The following ODAD1 variants were observed in gnomAD, a reference collection of about 807,000 sequenced individuals.
ODAD1 encodes outer dynein arm docking complex subunit 1.
Under a neutral mutation model 67.2 loss-of-function variants are expected in ODAD1, and 49 were observed. That is an observed-to-expected ratio of 0.73 (90% CI 0.58 to 0.92). ODAD1 has a LOEUF of 0.92. Among genes scored for constraint, ODAD1 ranks in the 40% least tolerant of loss-of-function variants. The pLI, the probability that ODAD1 is intolerant of heterozygous loss-of-function variation, is 0.00. For missense variants in ODAD1, 897 were observed against 953.7 expected (o/e 0.94, Z 0.78); for synonymous variants, 345 against 393.7 (o/e 0.88, Z 1.46).
rs1968606574 is a variant in ODAD1 at position 48,306,305 on chromosome 19, G to A, written c.616C>T (p.His206Tyr). The A allele has an allele frequency of 6.4e-7, 1 of 1,551,506 alleles. No homozygotes were observed. Among genetic ancestry groups the A allele is most frequent in the Non-Finnish European group, 8.7e-7 (1 of 1,146,884 alleles). The part of the protein sequence containing the change: ...KLKKEIHHLH[H>Y]LVSTLILSST... The stretch of plus-strand genomic sequence containing the variant: ...GAGAGGATAAGGGTGCTGACCAGGT[G>A]ATGCAGGTGGTGGATCTCCTGTGGG... The change falls in exon 8 of 16, where the codon CAC (histidine) becomes TAC (tyrosine). Residue 206 changes from histidine to tyrosine, a missense_variant. His to Tyr is a moderately conservative substitution (Grantham distance 83). Coordinates refer to ENST00000674294, the MANE Select transcript of ODAD1 (RefSeq NM_001364171.2).
intron 1 of ODAD1, chr19:48,321,454 G>A (rs1969027765): frequency 5.1e-6 from 1 of 196,932 alleles, no homozygotes; most frequent in Non-Finnish European, 1.0e-5. Flanking sequence ...CGGGGCCGGC[G>A]AGGGGAGGGG....
In ODAD1 at chr19:48,297,605, G is replaced by A. The variant is rs1246442857; in HGVS notation, c.1566C>T (p.Ser522=). 8.4e-6 allele frequency: 13 copies of A among 1,542,598 alleles called. No homozygotes were observed. The South Asian group carries it at 1.5e-4, about 18-fold the overall frequency. ...DYPMSREELL[S]QVEKLVELQE... ...CCACTCTCACCAGCTTCTCCACTTG[G>A]CTCAGCAGCTCCTCCCTGCTCATGG... Residue 522 remains serine (S), a synonymous_variant, in exon 15 of 16, where the codon AGC becomes AGT. Coordinates refer to ENST00000674294, the MANE Select transcript of ODAD1 (RefSeq NM_001364171.2).
At chr19:48,312,729 C>A (rs1569009747) in intron 5 of ODAD1, among the ~76,000 whole-genome samples, 1 of 152,094 alleles carries the variant, frequency 6.6e-6, no homozygotes, top group Non-Finnish European at 1.5e-5. Context: ...GACTCCTTTC[C>A]TGATAGTCTG....
chr19:48,321,736 C>G lies in ODAD1; in HGVS notation c.-122G>C. The G allele has an allele frequency of 2.5e-6, 1 of 397,950 alleles. No individual in the cohort carries two copies. Among genetic ancestry groups the G allele is most frequent in the Non-Finnish European group, 4.4e-6 (1 of 225,680 alleles). 24.7% of individuals were successfully genotyped at this position (397,950 alleles called of 1,614,324 possible). The stretch of plus-strand genomic sequence containing the variant: ...CTGCGGTGACCTGTATGGAAGCCCT[C>G]GAAGCCAGGCCGAGGTCCTACAAGA... On this transcript the variant is annotated 5_prime_UTR_variant, in exon 1 of 16. Coordinates refer to ENST00000674294, the MANE Select transcript of ODAD1 (RefSeq NM_001364171.2).
chr19:48,296,906 G>A lies in ODAD1; in HGVS notation c.*70C>T. 1 of 1,469,078 alleles carries A rather than the reference G, an allele frequency of 6.8e-7. No individual in the cohort carries two copies. Among genetic ancestry groups the A allele is most frequent in the Non-Finnish European group, 8.9e-7 (1 of 1,118,192 alleles). 91.0% of individuals were successfully genotyped at this position (1,469,078 alleles called of 1,614,324 possible). On this transcript the variant is annotated 3_prime_UTR_variant, in exon 16 of 16. Coordinates refer to ENST00000674294, the MANE Select transcript of ODAD1 (RefSeq NM_001364171.2). ...AAGACAGAGACCCACAAGGCAAACA[G>A]GGGAAGTAGAGACACAAAAAAAGAC...
At chr19:48,319,256 C>T (rs1968980285) in intron 3 of ODAD1, among the ~76,000 whole-genome samples, 1 of 152,032 alleles carries the variant, frequency 6.6e-6, no homozygotes, top group Non-Finnish European at 1.5e-5. Context: ...ACCTTTCTCT[C>T]AACTTCCAGC....
At chr19:48,308,229 C>T (rs899932786) in intron 7 of ODAD1, among the ~76,000 whole-genome samples, 1 of 151,436 alleles carries the variant, frequency 6.6e-6, no homozygotes, top group Non-Finnish European at 1.5e-5. Flanking sequence ...GGCTGGAGTG[C>T]AATGGCACAA....
chr19:48,300,570 T>C (rs372220886), intron 12 of ODAD1, among the ~76,000 whole-genome samples: 2 of 152,040 alleles, frequency 1.3e-5, no homozygotes, highest in East Asian at 1.9e-4. Flanking sequence ...CTTCAGTTCA[T>C]CACCAAAAAA....
intron 13 of ODAD1, 27 bp downstream of exon 13, chr19:48,298,150 C>T: frequency 1.9e-6 from 3 of 1,612,162 alleles, no homozygotes; most frequent in Non-Finnish European, 1.7e-6. Context: ...GACCGGCCTC[C>T]TGTCCCGGCT....
rs1315800410 is a variant in ODAD1, at chr19:48,321,762, CGGAGCCCGAGA to C, written c.-159_-149del. On this transcript the variant is annotated 5_prime_UTR_variant, in exon 1 of 16. Transcript: ENST00000674294. ...GAAGCCAGGCCGAGGTCCTACAAGACGGAGCCCGAGAGGTGCCGGTCTTAAGCTGACTGTGA... is the reference window on the plus strand; with the variant it reads ...GAAGCCAGGCCGAGGTCCTACAAGACGGTGCCGGTCTTAAGCTGACTGTGA... 5.0e-6 allele frequency: 2 copies of C among 398,440 alleles called. No homozygotes were observed. Among genetic ancestry groups the C allele is most frequent in the Non-Finnish European group, 8.9e-6 (2 of 225,944 alleles). 24.7% of individuals were successfully genotyped at this position (398,440 alleles called of 1,614,324 possible).
At position 48,303,025 on chromosome 19, in the gene ODAD1, T is replaced by C; in HGVS notation, c.1059A>G (p.Glu353=). The change falls in exon 11 of 16, where the codon GAA becomes GAG. Residue 353 remains glutamate, a synonymous_variant. Coordinates refer to ENST00000674294, the MANE Select transcript of ODAD1 (RefSeq NM_001364171.2). The stretch of plus-strand genomic sequence containing the variant: ...AGGCCTCACTCACCTCCTTGATCTC[T>C]TCCTGCACATGCTCCAGCTCCAAGT... ...EQNLELEHVQ[E]EIKEMQEALV... is the part of the protein sequence containing the mutation. The C allele has an allele frequency of 6.2e-7, 1 of 1,613,978 alleles. No individual in the cohort carries two copies. The highest frequency in any genetic ancestry group is 8.5e-7 in the Non-Finnish European group (1 of 1,179,906).
In ODAD1 at chr19:48,321,804, T is replaced by C. The variant is rs911120743; in HGVS notation, c.-190A>G. ...CGGTCTTAAGCTGACTGTGACCACGTTAAATTAAGGATTCATAGGAAGGAA... is the reference window on the plus strand; with the variant it reads ...CGGTCTTAAGCTGACTGTGACCACGCTAAATTAAGGATTCATAGGAAGGAA... On this transcript the variant is annotated 5_prime_UTR_variant, in exon 1 of 16. Transcript: ENST00000674294. The C allele has an allele frequency of 1.0e-5, 4 of 398,404 alleles. No individual in the cohort carries two copies. The highest frequency in any genetic ancestry group is 4.1e-5 in the African/African-American group (2 of 48,586). 24.7% of individuals were successfully genotyped at this position (398,404 alleles called of 1,614,324 possible). A position where few individuals can be genotyped will look rare whatever the true frequency, so the allele number is the denominator to read the frequency against.
chr19:48,311,931 C>T, intron 6 of ODAD1, 63 bp downstream of exon 6: 1 of 1,483,170 alleles, frequency 6.7e-7, no homozygotes, highest in Non-Finnish European at 9.2e-7. Flanking sequence ...AATCCAATGA[C>T]CATGCCCAGT....
At chr19:48,310,682 AAG>A (rs1968733792) in intron 7 of ODAD1, among the ~76,000 whole-genome samples, 2 of 152,232 alleles carry the variant, frequency 1.3e-5, no homozygotes, top group Non-Finnish European at 2.9e-5. Flanking sequence ...GTGGGGGAGA[AAG>A]AGAAAATAAA....
chr19:48,303,266 G>A, intron 10 of ODAD1, 171 bp from the exon 11 acceptor site: 1 of 645,868 alleles, frequency 1.5e-6, no homozygotes, highest in South Asian at 1.8e-5. Context: ...ACAAAGAGGT[G>A]TGGGAAGATA....
At chr19:48,317,835 G>A (rs1266291310) in intron 5 of ODAD1, among the ~76,000 whole-genome samples, 2 of 152,042 alleles carry the variant, frequency 1.3e-5, no homozygotes, top group Non-Finnish European at 2.9e-5. Flanking sequence ...CACTTTGGGA[G>A]GCCGAGGTGG....
At chr19:48,310,141 G>A (rs1004289154) in intron 7 of ODAD1, among the ~76,000 whole-genome samples, 4 of 152,148 alleles carry the variant, frequency 2.6e-5, no homozygotes, top group African/African-American at 7.2e-5. Flanking sequence ...GGCTGAGGCA[G>A]GAGAATCACT....
intron 2 of ODAD1, 90 bp from the exon 3 acceptor site, chr19:48,320,481 G>C (rs1213462870): frequency 3.0e-6 from 2 of 663,274 alleles, no homozygotes; most frequent in Middle Eastern, 6.2e-4. Flanking sequence ...ACTGGGAATT[G>C]AAAGGGGGTG....
chr19:48,309,007 T>G (rs551065119), intron 7 of ODAD1, among the ~76,000 whole-genome samples: 2 of 152,164 alleles, frequency 1.3e-5, no homozygotes, highest in Admixed American at 6.5e-5. Flanking sequence ...GCAGCCACCC[T>G]CCCAACCACA....
Sources: allele counts gnomAD v4.1 joint callset (sites outside exome capture counted in the v4.1 genomes callset), GRCh38; gene constraint gnomAD v4.1.1; transcripts MANE v1.5; gene names NCBI Gene and HGNC (gene_info 2026-07-23, HGNC 2026-07-21).